Variants in INPP4B observed in about 807,000 individuals in gnomAD.
INPP4B encodes the protein inositol polyphosphate-4-phosphatase type II B, also known as inositol polyphosphate 4-phosphatase type II.
Under a neutral mutation model 122.5 loss-of-function variants are expected in INPP4B, and 55 were observed. The observed-to-expected ratio is 0.45, with a 90% CI of 0.36 to 0.56. The LOEUF (loss-of-function observed/expected upper bound fraction) is 0.56, where lower values mean the gene tolerates loss of function less well. Ranked by LOEUF, INPP4B falls within the 20% of genes least tolerant of loss-of-function variation. The pLI is 0.00. For synonymous variants in INPP4B, 403 were observed against 388.7 expected, an observed-to-expected ratio of 1.04 and a Z score of -0.43; for missense variants, 1,000 against 1,097.7, an observed-to-expected ratio of 0.91 and a Z score of 1.26.
At chr4:142,660,999 G>A (rs1755070183) in intron 2 of INPP4B, 1 of 152,322 alleles carries the variant, frequency 6.6e-6, no homozygotes, top group Non-Finnish European at 1.5e-5. Context: ...CCAGTGGGAG[G>A]GGATTCCTGG....
intron 2 of INPP4B, among the ~76,000 whole-genome samples, chr4:142,564,627 G>A (rs1731244290): frequency 6.6e-6 from 1 of 151,964 alleles, no homozygotes; most frequent in Non-Finnish European, 1.5e-5. Flanking sequence ...GAACTTTTGA[G>A]GACTCTCTTA....
chr4:142,087,610 A>T (rs970123139), intron 23 of INPP4B, among the ~76,000 whole-genome samples: 2 of 152,212 alleles, frequency 1.3e-5, no homozygotes, highest in Non-Finnish European at 2.9e-5. Flanking sequence ...AATAAGATGG[A>T]CTACAACTAC....
chr4:142,109,003 C>A (rs1281850529), intron 22 of INPP4B, among the ~76,000 whole-genome samples: 1 of 152,142 alleles, frequency 6.6e-6, no homozygotes, highest in Non-Finnish European at 1.5e-5. Context: ...ACTGCTTCCT[C>A]CTTTGAACCA....
At chr4:142,546,919 T>C (rs979668392) in intron 2 of INPP4B, among the ~76,000 whole-genome samples, 1 of 152,174 alleles carries the variant, frequency 6.6e-6, no homozygotes, top group Non-Finnish European at 1.5e-5. Context: ...AAAGTATCTA[T>C]AACTTTACCA....
At chr4:142,590,239 C>G (rs1737132547) in intron 2 of INPP4B, among the ~76,000 whole-genome samples, 1 of 152,060 alleles carries the variant, frequency 6.6e-6, no homozygotes, top group Non-Finnish European at 1.5e-5. Flanking sequence ...ATTCACAGCA[C>G]AAAAAGTGAA....
chr4:142,190,217 T>TA (rs1835186346), intron 15 of INPP4B, among the ~76,000 whole-genome samples: 2 of 152,084 alleles, frequency 1.3e-5, no homozygotes, highest in South Asian at 4.1e-4. Flanking sequence ...GTTTTTTTTT[T>TA]TTTGGTGGGG....
chr4:142,719,529 G>A (rs1371852314), intron 2 of INPP4B, among the ~76,000 whole-genome samples: 1 of 151,826 alleles, frequency 6.6e-6, no homozygotes, highest in African/African-American at 2.4e-5. Flanking sequence ...TCGCGATGTT[G>A]CCCAGGCTGG....
chr4:142,610,601 T>C (rs1742271969), intron 2 of INPP4B, among the ~76,000 whole-genome samples: 1 of 152,186 alleles, frequency 6.6e-6, no homozygotes, highest in African/African-American at 2.4e-5. Flanking sequence ...GTGTTCCCTA[T>C]ATCTATGTTT....
chr4:142,513,413 C>CT (rs200942087), intron 2 of INPP4B, among the ~76,000 whole-genome samples: 4,027 of 146,586 alleles, frequency 0.027, 123 homozygotes, highest in Admixed American at 0.07. Context: ...GGGTCTCTCT[C>CT]TTTTTTTTTT....
intron 9 of INPP4B, among the ~76,000 whole-genome samples, chr4:142,301,099 A>G (rs919722394): frequency 6.6e-6 from 1 of 152,176 alleles, no homozygotes; most frequent in Non-Finnish European, 1.5e-5. Flanking sequence ...ACAGATTACA[A>G]CTTTCACCAT....
intron 1 of INPP4B, among the ~76,000 whole-genome samples, chr4:142,762,476 T>C (rs1482103728): frequency 6.6e-6 from 1 of 152,166 alleles, no homozygotes; most frequent in East Asian, 1.9e-4. Context: ...ATAGCTGTCC[T>C]GAGTGACACT....
chr4:142,578,732 T>C (rs144772444), intron 2 of INPP4B, among the ~76,000 whole-genome samples: 1 of 152,072 alleles, frequency 6.6e-6, no homozygotes, highest in East Asian at 1.9e-4. Flanking sequence ...GGATTTAATA[T>C]ATGAATGGGG....
chr4:142,733,868 TAATAA>T (rs1481398746), intron 1 of INPP4B, among the ~76,000 whole-genome samples: 1 of 152,160 alleles, frequency 6.6e-6, no homozygotes, highest in East Asian at 1.9e-4. Context: ...TAAAGCTGAT[TAATAA>T]ATTAAGATAT....
intron 2 of INPP4B, among the ~76,000 whole-genome samples, chr4:142,533,365 T>C (rs1170286580): frequency 6.6e-6 from 1 of 152,172 alleles, no homozygotes; most frequent in Non-Finnish European, 1.5e-5. Context: ...GATCTTTGCT[T>C]GGTATAAAGA....
At chr4:142,581,977 TA>T (rs959321369) in intron 2 of INPP4B, among the ~76,000 whole-genome samples, 5 of 151,930 alleles carry the variant, frequency 3.3e-5, no homozygotes, top group African/African-American at 1.2e-4. Context: ...AAAACCTACT[TA>T]AAAAATATAT....
intron 21 of INPP4B, among the ~76,000 whole-genome samples, chr4:142,114,315 TG>T (rs1418912527): frequency 1.1e-4 from 16 of 152,042 alleles, no homozygotes; most frequent in African/African-American, 3.4e-4. Context: ...CATTTTCTCT[TG>T]GGGGTAAGTC....
intron 2 of INPP4B, among the ~76,000 whole-genome samples, chr4:142,594,453 A>C (rs1738225257): frequency 6.6e-6 from 1 of 152,172 alleles, no homozygotes; most frequent in Non-Finnish European, 1.5e-5. Flanking sequence ...TAAGGTGGAT[A>C]TTATGGTCAA....
chr4:142,590,881 C>CAAAAA (rs59459819), intron 2 of INPP4B, among the ~76,000 whole-genome samples: 4 of 93,640 alleles, frequency 4.3e-5, no homozygotes, highest in South Asian at 3.5e-4. Context: ...TATCATTCTC[C>CAAAAA]AAAAAAAAAA....
intron 7 of INPP4B, among the ~76,000 whole-genome samples, chr4:142,365,221 G>A (rs915355728): frequency 6.6e-6 from 1 of 152,056 alleles, no homozygotes; most frequent in Non-Finnish European, 1.5e-5. Flanking sequence ...GCTGGGAGGA[G>A]GAATTTGACA....
Sources: allele counts gnomAD v4.1 joint callset (sites outside exome capture counted in the v4.1 genomes callset), GRCh38; gene constraint gnomAD v4.1.1; transcripts MANE v1.5; gene names NCBI Gene and HGNC (gene_info 2026-07-23, HGNC 2026-07-21).